The following ERCC1 variants were observed in gnomAD, a reference collection of about 807,000 sequenced individuals.
ERCC1 encodes DNA excision repair protein ERCC-1.
In ERCC1, 36 loss-of-function variants were observed where a neutral mutation model predicts 37.6. That is an observed-to-expected ratio of 0.96 (90% CI 0.73 to 1.26). The LOEUF is 1.26. Ranked by LOEUF, ERCC1 falls within the 50% of genes most tolerant of loss-of-function variation. The probability of loss-of-function intolerance (pLI) is 0.00; values close to 1 mark genes in which losing one functional copy is unlikely to be tolerated. For missense variants in ERCC1, 349 were observed against 376.5 expected, an observed-to-expected ratio of 0.93 and a Z score of 0.60; for synonymous variants, 156 against 162.1, an observed-to-expected ratio of 0.96 and a Z score of 0.28.
Position 45,414,987 on chromosome 19 carries a change from G to A in ERCC1, c.603-27C>T, listed in dbSNP as rs41558212. On this transcript the variant is annotated intron_variant, in intron 6 of 9. Transcript: ENST00000300853. ...TGGGATAACAGGATACAGGGCAGCC[G>A]GGAGGTGAGGTATCAGATTATAGAT... 62,071 of 1,518,634 alleles carry A rather than the reference G, an allele frequency of 0.041. 1,458 individuals carry two copies. The highest frequency in any genetic ancestry group is 0.047 in the Non-Finnish European group (51,663 of 1,093,816). 94.1% of individuals were successfully genotyped at this position (1,518,634 alleles called of 1,614,324 possible).
intron 1 of ERCC1, among the ~76,000 whole-genome samples, chr19:45,432,283 T>TTTATTA (rs35170597): frequency 0.011 from 1,587 of 145,962 alleles, 30 homozygotes; most frequent in African/African-American, 0.036. Flanking sequence ...ACAAAATTAA[T>TTTATTA]TTATTATTAT....
chr19:45,415,008 T>C (rs1973966971), intron 6 of ERCC1, 48 bp from the exon 7 acceptor site: 4 of 1,419,650 alleles, frequency 2.8e-6, no homozygotes, highest in African/African-American at 1.4e-5. Context: ...TATCAGATTA[T>C]AGATTTGCTT....
chr19:45,411,534 C>G (rs1460337194), intron 9 of ERCC1, among the ~76,000 whole-genome samples: 1 of 152,104 alleles, frequency 6.6e-6, no homozygotes, highest in Non-Finnish European at 1.5e-5. Flanking sequence ...TGGCTCACAC[C>G]TGTAATCCCG....
At chr19:45,423,587 G>GT in intron 1 of ERCC1, 194 bp downstream of exon 1, 3 of 1,409,570 alleles carry the variant, frequency 2.1e-6, no homozygotes, top group South Asian at 3.0e-5. Context: ...AGGTCCACAA[G>GT]TCCCATCGCT....
intron 5 of ERCC1, among the ~76,000 whole-genome samples, chr19:45,417,928 G>A (rs1241695522): frequency 6.6e-6 from 1 of 152,094 alleles, no homozygotes; most frequent in Non-Finnish European, 1.5e-5. Context: ...TTGGCCTCAA[G>A]TGATCCTCCT....
intron 1 of ERCC1, among the ~76,000 whole-genome samples, chr19:45,437,427 A>C (rs1272403691): frequency 6.6e-6 from 1 of 152,194 alleles, no homozygotes; most frequent in Non-Finnish European, 1.5e-5. Flanking sequence ...ACTGGTCACA[A>C]TAGCCAAGAT....
intron 1 of ERCC1, among the ~76,000 whole-genome samples, chr19:45,442,854 G>A (rs959710045): frequency 7.2e-5 from 11 of 152,096 alleles, no homozygotes; most frequent in African/African-American, 2.7e-4. Context: ...AGCAGGGCGT[G>A]GCCCCTCCTC....
intron 1 of ERCC1, among the ~76,000 whole-genome samples, chr19:45,447,176 A>G (rs1966970036): frequency 6.6e-6 from 1 of 152,020 alleles, no homozygotes; most frequent in African/African-American, 2.4e-5. Flanking sequence ...ACGTGCAGCA[A>G]CATGTGAAAC....
intron 1 of ERCC1, among the ~76,000 whole-genome samples, chr19:45,447,610 T>C (rs1966989178): frequency 6.6e-6 from 1 of 152,032 alleles, no homozygotes; most frequent in Non-Finnish European, 1.5e-5. Context: ...CTCTGTTTTC[T>C]TTTCTTGTCT....
intron 1 of ERCC1, among the ~76,000 whole-genome samples, chr19:45,446,757 T>G (rs942943520): frequency 3.3e-5 from 5 of 152,120 alleles, no homozygotes. Context: ...CCCGGAACTT[T>G]GGGAGGCCAA....
In ERCC1 at chr19:45,420,666, T is replaced by C. The variant is rs1017329750; in HGVS notation, c.322-239A>G. On this transcript the variant is annotated intron_variant, in intron 3 of 9. Coordinates refer to ENST00000300853, the MANE Select transcript of ERCC1 (RefSeq NM_001983.4). The surrounding 1 kb of genome is among the most constrained non-coding windows in gnomAD (Gnocchi z 4.8). ...CTCTGATCCAGGCTCCTCCCCTCCA[T>C]GCCCACTGGCACCAGGCCTTTCCTA... Among the ~76,000 whole-genome samples, 7 of 152,088 alleles carry C rather than the reference T, an allele frequency of 4.6e-5. No individual in the cohort carries two copies. Among genetic ancestry groups the C allele is most frequent in the African/African-American group, 1.7e-4 (7 of 41,428 alleles).
chr19:45,415,305 C>T (rs1202675069), intron 6 of ERCC1, among the ~76,000 whole-genome samples: 1 of 120,906 alleles, frequency 8.3e-6, no homozygotes, highest in East Asian at 2.7e-4. Flanking sequence ...ATTGCACTCC[C>T]GCTTGGGCAA....
rs779956242 is a variant in ERCC1 at position 45,408,553 on chromosome 19, G to A, written c.*1122C>T. 2 of 1,613,892 alleles carry A rather than the reference G, an allele frequency of 1.2e-6. No homozygotes were observed. Among genetic ancestry groups the A allele is most frequent in the African/African-American group, 1.3e-5 (1 of 74,924 alleles). On this transcript the variant is annotated 3_prime_UTR_variant, in exon 10 of 10. Transcript: ENST00000300853. ...CTCAGGAGGCAGTGAATGGGCACGG[G>A]GCCCTGGAGGTGGACATGGCTTTGG... is the stretch of plus-strand genomic sequence containing the variant.
At chr19:45,446,810 C>A (rs749004027) in intron 1 of ERCC1, among the ~76,000 whole-genome samples, 5 of 152,062 alleles carry the variant, frequency 3.3e-5, no homozygotes, top group Non-Finnish European at 7.4e-5. Context: ...CCAGCCTGAC[C>A]AACATGGTGA....
intron 9 of ERCC1, chr19:45,413,384 AG>A (rs997367221): frequency 1.6e-6 from 1 of 606,716 alleles, no homozygotes; most frequent in African/African-American, 1.9e-5. Context: ...CTCCCACCTC[AG>A]TCTCCCCAGT....
At chr19:45,444,968 A>G (rs1966897391) in intron 1 of ERCC1, among the ~76,000 whole-genome samples, 1 of 152,142 alleles carries the variant, frequency 6.6e-6, no homozygotes, top group African/African-American at 2.4e-5. Flanking sequence ...TTGTAGCACA[A>G]TTCCTGGCAT....
At chr19:45,440,243 C>T (rs1975085920) in intron 1 of ERCC1, among the ~76,000 whole-genome samples, 1 of 151,836 alleles carries the variant, frequency 6.6e-6, no homozygotes, top group Admixed American at 6.6e-5. Context: ...CTCCCCTACA[C>T]CCCCAGCGAT....
intron 5 of ERCC1, among the ~76,000 whole-genome samples, chr19:45,418,810 C>G (rs893815546): frequency 1.3e-5 from 2 of 152,024 alleles, no homozygotes; most frequent in South Asian, 4.1e-4. Context: ...GCAACAAGAG[C>G]GAAACTCCGT....
intron 9 of ERCC1, among the ~76,000 whole-genome samples, chr19:45,412,765 G>A (rs555864039): frequency 1.3e-5 from 2 of 149,174 alleles, no homozygotes; most frequent in South Asian, 2.1e-4. Context: ...TTGAGATAGA[G>A]TTTCACTCTT....
Sources: gnomAD v4.1 joint callset for allele counts (sites outside exome capture counted in the v4.1 genomes callset) on GRCh38, gnomAD v4.1.1 for gene constraint, Gnocchi (gnomAD v3.1) non-coding constraint, MANE v1.5 for transcripts, NCBI Gene and HGNC (gene_info 2026-07-23, HGNC 2026-07-21) for gene names.